FRMD4B: variants seen among roughly 807,000 people sequenced by gnomAD.
The protein encoded by FRMD4B is FERM domain containing 4B.
FRMD4B carries 74 observed loss-of-function variants against 141.5 expected under a neutral mutation model. That is an observed-to-expected ratio of 0.52 (90% CI 0.43 to 0.63). FRMD4B has a LOEUF of 0.63. Ranked by LOEUF, FRMD4B falls within the 30% of genes least tolerant of loss-of-function variation. The pLI is 0.00. For missense variants in FRMD4B, 1,366 were observed against 1,253.4 expected, an observed-to-expected ratio of 1.09 and a Z score of -1.36; for synonymous variants, 506 against 467.9, an observed-to-expected ratio of 1.08 and a Z score of -1.05.
At chr3:69,312,202 C>T (rs72934865) in intron 2 of FRMD4B, among the ~76,000 whole-genome samples, 4,952 of 152,188 alleles carry the variant, frequency 0.033, 283 homozygotes, top group African/African-American at 0.11. Flanking sequence ...ATAATTGATG[C>T]TGGATTTGGA....
chr3:69,370,115 T>G (rs1703783927), intron 1 of FRMD4B, among the ~76,000 whole-genome samples: 1 of 151,696 alleles, frequency 6.6e-6, no homozygotes, highest in Non-Finnish European at 1.5e-5. Flanking sequence ...TGTTCCTGTT[T>G]TTTTTTTTTT....
intron 1 of FRMD4B, among the ~76,000 whole-genome samples, chr3:69,516,738 T>C (rs1420628320): frequency 6.6e-6 from 1 of 152,234 alleles, no homozygotes; most frequent in Non-Finnish European, 1.5e-5. Context: ...CAGTTTTCTA[T>C]GAGTTAACAT....
chr3:69,363,476 G>A (rs1295348358), intron 1 of FRMD4B, among the ~76,000 whole-genome samples: 11 of 148,968 alleles, frequency 7.4e-5, no homozygotes, highest in Non-Finnish European at 1.0e-4. Context: ...TGCAAGCTCC[G>A]CCTCCTGGGT....
intron 3 of FRMD4B, among the ~76,000 whole-genome samples, chr3:69,307,460 G>GGT (rs1701433720): frequency 6.6e-6 from 1 of 151,868 alleles, no homozygotes; most frequent in Non-Finnish European, 1.5e-5. Context: ...CATGCCTCAG[G>GGT]TGCCTGAGTA....
intron 1 of FRMD4B, among the ~76,000 whole-genome samples, chr3:69,463,640 G>A (rs908641852): frequency 1.3e-5 from 2 of 152,198 alleles, no homozygotes; most frequent in Admixed American, 6.5e-5. Context: ...CAATGTAATA[G>A]AGGCAAGGTT....
chr3:69,493,797 G>T (rs1282496761), intron 1 of FRMD4B, among the ~76,000 whole-genome samples: 3 of 152,128 alleles, frequency 2.0e-5, no homozygotes, highest in African/African-American at 7.2e-5. Context: ...GGACATAATT[G>T]GTTCTCATAA....
chr3:69,177,484 T>G (rs1370796735), intron 21 of FRMD4B, among the ~76,000 whole-genome samples: 1 of 150,854 alleles, frequency 6.6e-6, no homozygotes, highest in Non-Finnish European at 1.5e-5. Context: ...ACCCCATCTC[T>G]GCAAAAAATA....
chr3:69,197,268 T>C (rs1324881042), intron 12 of FRMD4B, among the ~76,000 whole-genome samples: 1 of 152,108 alleles, frequency 6.6e-6, no homozygotes, highest in Non-Finnish European at 1.5e-5. Flanking sequence ...CACATACACA[T>C]GAACTCAAAA....
At chr3:69,339,249 A>G (rs181601731) in intron 1 of FRMD4B, among the ~76,000 whole-genome samples, 3 of 152,190 alleles carry the variant, frequency 2.0e-5, no homozygotes, top group Admixed American at 2.0e-4. Context: ...AATCAGTTCT[A>G]TCATTAACTT....
intron 1 of FRMD4B, among the ~76,000 whole-genome samples, chr3:69,513,291 T>C (rs1706718875): frequency 6.6e-6 from 1 of 152,088 alleles, no homozygotes; most frequent in South Asian, 2.1e-4. Flanking sequence ...ACCAACAGAT[T>C]GGATAATGTA....
At chr3:69,390,119 C>T (rs376553132), upstream of FRMD4B, among the ~76,000 whole-genome samples, 4 of 152,072 alleles carry the variant, frequency 2.6e-5, no homozygotes, top group South Asian at 4.1e-4. Context: ...GAGGAACTGG[C>T]AGGAAGAAGA....
rs2092561622 is a variant in FRMD4B, at chr3:69,168,888, T to C, written c.*2973A>G. Among the ~76,000 whole-genome samples, 1 of 152,170 alleles carries C rather than the reference T, an allele frequency of 6.6e-6. No individual in the cohort carries two copies. The highest frequency in any genetic ancestry group is 2.4e-5 in the African/African-American group (1 of 41,448). ...AAATATAGAAAAATAGATAAACATC[T>C]AGTAGGGTGAGGCAATTTTAAAAAT... On this transcript the variant is annotated 3_prime_UTR_variant, in exon 23 of 23. Coordinates refer to ENST00000398540, the MANE Select transcript of FRMD4B (RefSeq NM_015123.3).
rs147350804 is a variant in FRMD4B, at chr3:69,459,556, T to G, written c.-128-26795A>C. Among the ~76,000 whole-genome samples the G allele has an allele frequency of 5.9e-3, 893 of 152,352 alleles. 9 individuals carry two copies. Among genetic ancestry groups the G allele is most frequent in the African/African-American group, 0.02 (844 of 41,580 alleles). On this transcript the variant is annotated intron_variant, in intron 1 of 5. Coordinates refer to the FRMD4B transcript ENST00000459638. The stretch of plus-strand genomic sequence containing the variant: ...ATGGTGCTTTCTTAGATTGGCACCT[T>G]TCTATCGAGGGCATAAAACACACTG...
chr3:69,435,755 C>T (rs142186361), intron 1 of FRMD4B, among the ~76,000 whole-genome samples: 5 of 152,252 alleles, frequency 3.3e-5, no homozygotes, highest in African/African-American at 9.6e-5. Context: ...AGTAAAATTG[C>T]ATCTTACGTG....
intron 11 of FRMD4B, among the ~76,000 whole-genome samples, chr3:69,203,135 TAC>T (rs1397206564): frequency 1.3e-5 from 2 of 151,480 alleles, no homozygotes; most frequent in Non-Finnish European, 2.9e-5. Context: ...TGTAGACGAT[TAC>T]AGTTTATTTA....
chr3:69,291,387 C>T (rs1006882310), intron 4 of FRMD4B, among the ~76,000 whole-genome samples: 2 of 152,106 alleles, frequency 1.3e-5, no homozygotes, highest in African/African-American at 4.8e-5. Flanking sequence ...TTTCCCATTG[C>T]CTCCAAAACT....
At chr3:69,276,066 T>C (rs1169072515) in intron 5 of FRMD4B, among the ~76,000 whole-genome samples, 1 of 152,220 alleles carries the variant, frequency 6.6e-6, no homozygotes, top group Non-Finnish European at 1.5e-5. Flanking sequence ...TAGCCTATTC[T>C]TGTCAATGGC....
At chr3:69,341,952 G>T (rs1360772225) in intron 1 of FRMD4B, among the ~76,000 whole-genome samples, 4 of 152,100 alleles carry the variant, frequency 2.6e-5, no homozygotes, top group Non-Finnish European at 5.9e-5. Context: ...GCACAAAATG[G>T]ACTAAGACAG....
intron 1 of FRMD4B, among the ~76,000 whole-genome samples, chr3:69,343,844 T>A (rs1276669608): frequency 6.6e-6 from 1 of 151,992 alleles, no homozygotes; most frequent in Non-Finnish European, 1.5e-5. Context: ...CCTCCCAAAG[T>A]GCTGGGATTA....
Sources: allele counts gnomAD v4.1 joint callset (sites outside exome capture counted in the v4.1 genomes callset), GRCh38; gene constraint gnomAD v4.1.1; transcripts MANE v1.5; gene names NCBI Gene and HGNC (gene_info 2026-07-23, HGNC 2026-07-21).